The following BCAT1 variants were observed in gnomAD, a reference collection of about 807,000 sequenced individuals.
BCAT1 encodes the protein branched-chain-amino-acid aminotransferase, cytosolic.
Under a neutral mutation model 52.4 loss-of-function variants are expected in BCAT1, and 48 were observed. That is an observed-to-expected ratio of 0.92 (90% confidence interval 0.73 to 1.16). The LOEUF is 1.16. Among genes scored for constraint, BCAT1 ranks in the 50% most tolerant of loss-of-function variants. The probability of loss-of-function intolerance (pLI) is 0.00; values close to 1 mark genes in which losing one functional copy is unlikely to be tolerated. For missense variants in BCAT1, 451 were observed against 457.1 expected, an observed-to-expected ratio of 0.99 and a Z score of 0.12; for synonymous variants, 167 against 161.3, an observed-to-expected ratio of 1.04 and a Z score of -0.27.
At chr12:24,945,720 A>T (rs1018354933) in intron 1 of BCAT1, 3 of 152,204 alleles carry the variant, frequency 2.0e-5, no homozygotes, top group African/African-American at 7.2e-5. Flanking sequence ...GCTTCTCAGG[A>T]GGCTGAGGCA....
chr12:24,816,362 T>C lies in BCAT1; in HGVS notation c.*1646A>G. ...AGGACTGAGGGAAACCAAAATACAA[T>C]GTCTGAGAGTTGACCTTCCAAGGAA... On this transcript the variant is annotated 3_prime_UTR_variant, in exon 11 of 11. Transcript: ENST00000261192. The C allele has an allele frequency of 2.5e-6, 1 of 395,778 alleles. No homozygotes were observed. Among genetic ancestry groups the C allele is most frequent in the Non-Finnish European group, 4.5e-6 (1 of 224,716 alleles). The allele number at this position is 395,778 out of a possible 1,614,324, so 24.5% of individuals were successfully genotyped here. A position where few individuals can be genotyped will look rare whatever the true frequency, so the allele number is the denominator to read the frequency against.
chr12:24,946,398 G>A (rs773201883), intron 1 of BCAT1, among the ~76,000 whole-genome samples: 4 of 152,126 alleles, frequency 2.6e-5, no homozygotes, highest in African/African-American at 9.7e-5. Flanking sequence ...TGCAACCAAC[G>A]AAACACCAAA....
rs1159800483 is a variant in BCAT1 at position 24,943,463 on chromosome 12, AGC to A, written c.6+5462_6+5463del. 2.6e-3 allele frequency among the ~76,000 whole-genome samples: 351 copies of A among 133,824 alleles called. 4 individuals are homozygous for A. The highest frequency in any genetic ancestry group is 9.2e-3 in the African/African-American group (338 of 36,882). 87.8% of individuals were successfully genotyped at this position (133,824 alleles called of 152,430 possible). Reference sequence around the variant, plus strand: ...AGCCATGATTGTACCACTGCACTCCAGCCTAGGTGACAGAATGAGACCCTATC... The same window carrying A: ...AGCCATGATTGTACCACTGCACTCCACTAGGTGACAGAATGAGACCCTATC... On this transcript the variant is annotated intron_variant, in intron 1 of 10. Transcript: ENST00000261192.
intron 1 of BCAT1, among the ~76,000 whole-genome samples, chr12:24,933,820 G>A (rs1236730997): frequency 2.0e-5 from 3 of 152,094 alleles, no homozygotes; most frequent in African/African-American, 7.2e-5. Context: ...GGTGGCGAAT[G>A]CACCAGATTT....
At chr12:24,849,976 C>A in intron 5 of BCAT1, 27 bp from the exon 6 acceptor site, 1 of 1,562,866 alleles carries the variant, frequency 6.4e-7, no homozygotes. Context: ...GTACATACAA[C>A]TGTAACTTAA....
chr12:24,872,004 T>A (rs961078195), intron 5 of BCAT1, among the ~76,000 whole-genome samples: 5 of 152,176 alleles, frequency 3.3e-5, no homozygotes, highest in Non-Finnish European at 5.9e-5. Flanking sequence ...AAGAACACAT[T>A]AAATGTATAG....
intron 5 of BCAT1, among the ~76,000 whole-genome samples, chr12:24,856,947 C>A (rs772592502): frequency 1.3e-5 from 2 of 152,148 alleles, no homozygotes; most frequent in Non-Finnish European, 2.9e-5. Flanking sequence ...TCTCTGCCAT[C>A]CAGAGGGTGT....
chr12:24,928,870 G>C (rs1943636289), intron 1 of BCAT1, among the ~76,000 whole-genome samples: 1 of 151,660 alleles, frequency 6.6e-6, no homozygotes, highest in African/African-American at 2.4e-5. Flanking sequence ...CAAGTAGCTG[G>C]GATTACAGGC....
chr12:24,942,140 A>T (rs181734913), intron 1 of BCAT1, among the ~76,000 whole-genome samples: 22 of 152,328 alleles, frequency 1.4e-4, no homozygotes, highest in African/African-American at 5.1e-4. Flanking sequence ...GCGAGAAGTA[A>T]TGAGAGCATA....
At chr12:24,917,010 A>G (rs146805354) in intron 1 of BCAT1, among the ~76,000 whole-genome samples, 1 of 152,196 alleles carries the variant, frequency 6.6e-6, no homozygotes, top group Non-Finnish European at 1.5e-5. Flanking sequence ...ATAGCTCAAA[A>G]GAAAAAAAAT....
At chr12:24,876,260 T>TAAAAAAAAA (rs71448093) in intron 5 of BCAT1, among the ~76,000 whole-genome samples, 2 of 109,848 alleles carry the variant, frequency 1.8e-5, no homozygotes, top group East Asian at 2.6e-4. Context: ...GAGGGAGATG[T>TAAAAAAAAA]AAAAAAAAAA....
intron 1 of BCAT1, among the ~76,000 whole-genome samples, chr12:24,912,612 C>T (rs1943346186): frequency 6.6e-6 from 1 of 151,002 alleles, no homozygotes; most frequent in South Asian, 2.1e-4. Flanking sequence ...TGTCTGTAAT[C>T]ACAGCACTTT....
chr12:24,889,995 G>T (rs1055023597), intron 3 of BCAT1, among the ~76,000 whole-genome samples: 1 of 152,058 alleles, frequency 6.6e-6, no homozygotes, highest in Non-Finnish European at 1.5e-5. Context: ...GGCACACCCC[G>T]GGAGGGCATG....
At chr12:24,900,729 G>A (rs1258687861) in intron 2 of BCAT1, among the ~76,000 whole-genome samples, 3 of 152,216 alleles carry the variant, frequency 2.0e-5, no homozygotes, top group Admixed American at 6.5e-5. Flanking sequence ...CCAGGAGTTC[G>A]AGACCAGCCT....
intron 5 of BCAT1, among the ~76,000 whole-genome samples, chr12:24,867,317 T>C (rs955882518): frequency 2.6e-5 from 4 of 151,130 alleles, no homozygotes; most frequent in African/African-American, 9.8e-5. Flanking sequence ...CGCTACCATG[T>C]TTTACAGACT....
chr12:24,878,522 G>T lies in BCAT1; in HGVS notation c.510+8C>A. Reference sequence around the variant, plus strand: ...CAAAGTACCCCAAAATAAAGAGTCAGTTTGCACCTCAGTTCCAATGAATGT... The same window carrying T: ...CAAAGTACCCCAAAATAAAGAGTCATTTTGCACCTCAGTTCCAATGAATGT... On this transcript the variant is annotated splice_region_variant and intron_variant, in intron 5 of 10. Coordinates refer to ENST00000261192, the MANE Select transcript of BCAT1 (RefSeq NM_005504.7). 6.2e-7 allele frequency: 1 copy of T among 1,600,280 alleles called. No homozygotes were observed. Among genetic ancestry groups the T allele is most frequent in the South Asian group, 1.1e-5 (1 of 87,852 alleles).
At chr12:24,864,036 C>A (rs139883024) in intron 5 of BCAT1, among the ~76,000 whole-genome samples, 1 of 152,090 alleles carries the variant, frequency 6.6e-6, no homozygotes. Flanking sequence ...TTTATTGGAA[C>A]ATGTTCATTT....
intron 5 of BCAT1, among the ~76,000 whole-genome samples, chr12:24,871,954 TA>T (rs1369379313): frequency 3.3e-4 from 50 of 152,086 alleles, no homozygotes; most frequent in African/African-American, 1.2e-3. Flanking sequence ...AACAGTGGAA[TA>T]TATATATATG....
intron 3 of BCAT1, among the ~76,000 whole-genome samples, chr12:24,887,061 TAA>T (rs1171691492): frequency 9.2e-4 from 7 of 7,588 alleles, no homozygotes; most frequent in South Asian, 0.014. Context: ...AGATGCTAGC[TAA>T]AAAAAAAAAA....
Sources: gnomAD v4.1 joint callset for allele counts (sites outside exome capture counted in the v4.1 genomes callset) on GRCh38, gnomAD v4.1.1 for gene constraint, MANE v1.5 for transcripts, NCBI Gene and HGNC (gene_info 2026-07-23, HGNC 2026-07-21) for gene names.